GALNT3: variants seen among roughly 807,000 people sequenced by gnomAD.
The protein encoded by GALNT3 is polypeptide N-acetylgalactosaminyltransferase 3.
In GALNT3, 51 loss-of-function variants were observed where a neutral mutation model predicts 69.8. The ratio of observed to expected loss-of-function variants is 0.73; its 90% CI spans 0.58 to 0.92. The LOEUF (loss-of-function observed/expected upper bound fraction) is 0.92, where lower values mean the gene tolerates loss of function less well. Among genes scored for constraint, GALNT3 ranks in the 40% least tolerant of loss-of-function variants. GALNT3 has a pLI of 0.00. For synonymous variants in GALNT3, 265 were observed against 248.5 expected (o/e 1.07, Z -0.63); for missense variants, 711 against 760.0 (o/e 0.94, Z 0.76).
At chr2:165,778,135 T>A (rs1055526471) in intron 1 of GALNT3, among the ~76,000 whole-genome samples, 2 of 152,210 alleles carry the variant, frequency 1.3e-5, no homozygotes, top group Admixed American at 1.3e-4. Context: ...TACTACATTA[T>A]CTGTCAAGGG....
intron 1 of GALNT3, among the ~76,000 whole-genome samples, chr2:165,782,049 C>T (rs1683121960): frequency 6.6e-6 from 1 of 152,126 alleles, no homozygotes; most frequent in African/African-American, 2.4e-5. Flanking sequence ...AGTCTACAGC[C>T]ATTCTCTAAG....
At chr2:165,768,744 A>G (rs1241289853) in intron 2 of GALNT3, among the ~76,000 whole-genome samples, 1 of 152,104 alleles carries the variant, frequency 6.6e-6, no homozygotes, top group Non-Finnish European at 1.5e-5. Context: ...CAGAAAGCAA[A>G]GCAAAATACA....
Position 165,754,707 on chromosome 2 carries a change from G to A in GALNT3, c.1546C>T (p.Leu516=), listed in dbSNP as rs1688414652. Residue 516 remains leucine (L), a synonymous_variant, in exon 9 of 11, where the codon CTA becomes TTA. Coordinates refer to ENST00000392701, the MANE Select transcript of GALNT3 (RefSeq NM_004482.4). ...TTGTTTTCTCCAACATCCAGACATAGAGGCTGACCAACGCTTTTAATCTAA... is the reference window on the plus strand; with the variant it reads ...TTGTTTTCTCCAACATCCAGACATAAAGGCTGACCAACGCTTTTAATCTAA... ...SGYIKSVGQP[L]CLDVGENNQG... The A allele has an allele frequency of 1.9e-6, 3 of 1,612,704 alleles. No homozygotes were observed.
chr2:165,769,987 C>A, intron 2 of GALNT3, 199 bp downstream of exon 2: 1 of 647,090 alleles, frequency 1.5e-6, no homozygotes. Context: ...TTCATATCTG[C>A]ACTGCCTCAC....
intron 1 of GALNT3, among the ~76,000 whole-genome samples, chr2:165,782,783 G>T (rs1182191546): frequency 6.6e-6 from 1 of 152,116 alleles, no homozygotes; most frequent in African/African-American, 2.4e-5. Flanking sequence ...ATGGCTACAG[G>T]TCCCTTTGGG....
At position 165,753,472 on chromosome 2, in the gene GALNT3, A is replaced by G. The variant is rs1277589324; in HGVS notation, c.1626+1155T>C. ...ATGTGTGGACACCCAGTCTCATTCA[A>G]TGCCCTTTTCTATACCCCCAGAACA... On this transcript the variant is annotated intron_variant, in intron 9 of 10. Transcript: ENST00000392701. Among the ~76,000 whole-genome samples, 4 of 152,002 alleles carry G rather than the reference A, an allele frequency of 2.6e-5. No homozygotes were observed. In the South Asian group the frequency reaches 6.2e-4, roughly 24 times the overall value.
At chr2:165,759,255 T>C (rs758462155) in intron 5 of GALNT3, 81 bp downstream of exon 5, 14 of 1,107,832 alleles carry the variant, frequency 1.3e-5, no homozygotes, top group Non-Finnish European at 1.7e-5. Flanking sequence ...TCAGAGGCAA[T>C]TGCTATAAAG....
At chr2:165,749,703 A>G (rs1363362986) in intron 10 of GALNT3, 39 bp downstream of exon 10, 1 of 1,583,446 alleles carries the variant, frequency 6.3e-7, no homozygotes, top group Non-Finnish European at 8.7e-7. Context: ...TAGAGCTAAG[A>G]AAAATAGTTA....
In GALNT3 at chr2:165,754,973, C is replaced by T; in HGVS notation, c.1483G>A (p.Glu495Lys). The change falls in exon 8 of 11, where the codon GAG becomes AAG. Residue 495 changes from glutamate (E) to lysine (K), a missense_variant. Transcript: ENST00000392701. ...FTWYLNNIYP[E>K]VYVPDLNPVI... ...GGATTAAGGTCTGGCACATACACCT[C>T]TGGATAAATGTTGTTCAGATACCAT... 1 of 1,613,386 alleles carries T rather than the reference C, an allele frequency of 6.2e-7. No homozygotes were observed. Among genetic ancestry groups the T allele is most frequent in the Non-Finnish European group, 8.5e-7 (1 of 1,179,510 alleles).
At position 165,770,296 on chromosome 2, in the gene GALNT3, A is replaced by G; in HGVS notation, c.405T>C (p.Val135=). 1 of 1,614,148 alleles carries G rather than the reference A, an allele frequency of 6.2e-7. No individual in the cohort carries two copies. The highest frequency in any genetic ancestry group is 8.5e-7 in the Non-Finnish European group (1 of 1,180,036). The change falls in exon 2 of 11, where the codon GTT becomes GTC. Residue 135 remains valine (V), a synonymous_variant. Transcript: ENST00000392701. ...GKAFKTTNLS[V]EEQKEKERGE... ...CACGTTCCTTTTCCTTTTGCTCTTC[A>G]ACACTTAAATTGGTTGTCTTGAATG... is the stretch of plus-strand genomic sequence containing the variant.
intron 1 of GALNT3, among the ~76,000 whole-genome samples, chr2:165,773,797 TAA>T (rs80285814): frequency 2.5e-4 from 34 of 134,440 alleles, no homozygotes; most frequent in Non-Finnish European, 2.3e-4. Flanking sequence ...GGAGGGGTGG[TAA>T]AAAAAAAAAA....
At chr2:165,764,421 T>C (rs1359387869) in intron 3 of GALNT3, among the ~76,000 whole-genome samples, 1 of 152,216 alleles carries the variant, frequency 6.6e-6, no homozygotes, top group Non-Finnish European at 1.5e-5. Flanking sequence ...ATCAATGGCA[T>C]GTTAAGTTTA....
At chr2:165,761,014 C>T (rs113626847) in intron 4 of GALNT3, among the ~76,000 whole-genome samples, 1 of 151,888 alleles carries the variant, frequency 6.6e-6, no homozygotes, top group Non-Finnish European at 1.5e-5. Context: ...GGATGGGGCA[C>T]CCCTAACCTG....
rs1427279939 is a variant in GALNT3 at position 165,748,883 on chromosome 2, T to C, written c.1800A>G (p.Pro600=). ...EIQKDQLLYN[P]FLKMCLSANG... ...TTGCTGAAAGGCACATTTTTAAGAATGGATTGTATAGAAGTTGATCCTAGA... is the reference window on the plus strand; with the variant it reads ...TTGCTGAAAGGCACATTTTTAAGAACGGATTGTATAGAAGTTGATCCTAGA... The change falls in exon 11 of 11, where the codon CCA becomes CCG. Residue 600 remains proline, a synonymous_variant. Coordinates refer to ENST00000392701, the MANE Select transcript of GALNT3 (RefSeq NM_004482.4). 6.2e-7 allele frequency: 1 copy of C among 1,610,630 alleles called. No individual in the cohort carries two copies. Among genetic ancestry groups the C allele is most frequent in the Admixed American group, 1.7e-5 (1 of 59,750 alleles).
intron 6 of GALNT3, among the ~76,000 whole-genome samples, chr2:165,758,164 C>A (rs1168783157): frequency 6.6e-6 from 1 of 152,082 alleles, no homozygotes; most frequent in Non-Finnish European, 1.5e-5. Flanking sequence ...GGAGCCAGAG[C>A]CAAAACTTAA....
intron 9 of GALNT3, among the ~76,000 whole-genome samples, chr2:165,752,652 T>G (rs1362933551): frequency 1.3e-5 from 2 of 152,134 alleles, no homozygotes; most frequent in African/African-American, 4.8e-5. Flanking sequence ...AAAAAAGCAA[T>G]GTGTACAATA....
chr2:165,750,867 C>A (rs1013743508), intron 9 of GALNT3, among the ~76,000 whole-genome samples: 2 of 152,110 alleles, frequency 1.3e-5, no homozygotes, highest in African/African-American at 2.4e-5. Flanking sequence ...CTGTCCTCTG[C>A]CTGGAATACA....
At chr2:165,791,829 ATG>A (rs1159582788) in intron 1 of GALNT3, among the ~76,000 whole-genome samples, 1 of 152,202 alleles carries the variant, frequency 6.6e-6, no homozygotes, top group Non-Finnish European at 1.5e-5. Context: ...CTATTCCACA[ATG>A]AGAGGAGCAT....
At chr2:165,768,665 A>G (rs1169673824) in intron 2 of GALNT3, among the ~76,000 whole-genome samples, 1 of 152,210 alleles carries the variant, frequency 6.6e-6, no homozygotes, top group Non-Finnish European at 1.5e-5. Context: ...TAAATCTAGA[A>G]AAACCTGAGT....
Sources: gnomAD v4.1 joint callset for allele counts (sites outside exome capture counted in the v4.1 genomes callset) on GRCh38, gnomAD v4.1.1 for gene constraint, MANE v1.5 for transcripts, NCBI Gene and HGNC (gene_info 2026-07-23, HGNC 2026-07-21) for gene names.